The following PTPRS variants were observed in gnomAD, a reference collection of about 807,000 sequenced individuals.
PTPRS encodes the protein protein tyrosine phosphatase receptor type S.
A neutral mutation model predicts 215.3 loss-of-function variants in PTPRS; 63 were observed. That is an observed-to-expected ratio of 0.29 (90% CI 0.24 to 0.36). The LOEUF is 0.36. PTPRS is among the 10% of genes least tolerant of loss of function. The pLI is 1.00. For missense variants in PTPRS, 2,258 were observed against 2,825.8 expected, an observed-to-expected ratio of 0.80 and a Z score of 4.56; for synonymous variants, 1,404 against 1,191.4, an observed-to-expected ratio of 1.18 and a Z score of -3.68.
chr19:5,286,242 G>T lies in PTPRS; in HGVS notation c.-94-8C>A. ...CGTCAGATGGGGCAACGTCTGCAGA[G>T]ACAATGGAGGGCTGTGAGAGGCGAG... On this transcript the variant is annotated splice_polypyrimidine_tract_variant and splice_region_variant and intron_variant, in intron 1 of 37. Transcript: ENST00000262963. 7.8e-7 allele frequency: 1 copy of T among 1,286,464 alleles called. No homozygotes were observed. The highest frequency in any genetic ancestry group is 1.1e-6 in the Non-Finnish European group (1 of 909,826). 79.7% of individuals were successfully genotyped at this position (1,286,464 alleles called of 1,614,324 possible).
intron 1 of PTPRS, among the ~76,000 whole-genome samples, chr19:5,304,838 G>C (rs1184225599): frequency 1.3e-5 from 2 of 151,916 alleles, no homozygotes; most frequent in African/African-American, 4.8e-5. Flanking sequence ...AGGCAAGAGA[G>C]GTGTGGAAGA....
At chr19:5,260,072 G>A (rs1485986146) in intron 7 of PTPRS, among the ~76,000 whole-genome samples, 1 of 152,130 alleles carries the variant, frequency 6.6e-6, no homozygotes, top group African/African-American at 2.4e-5. Flanking sequence ...GAAAGGGATG[G>A]AGCCGACCGA....
At chr19:5,274,767 C>G (rs760561122) in intron 2 of PTPRS, among the ~76,000 whole-genome samples, 2 of 152,174 alleles carry the variant, frequency 1.3e-5, no homozygotes, top group Admixed American at 1.3e-4. Flanking sequence ...CCAGCCAAAC[C>G]CTGGAGGGCC....
intron 1 of PTPRS, among the ~76,000 whole-genome samples, chr19:5,316,684 C>G (rs972582091): frequency 1.3e-5 from 2 of 152,210 alleles, no homozygotes; most frequent in African/African-American, 4.8e-5. Flanking sequence ...TGAGCCACCG[C>G]GCCTGGCCTA....
rs564480105 is a variant in PTPRS at position 5,210,353 on chromosome 19, C to G, written c.5487+116G>C. ...GGCCAACTGGTCAGCTGACACTTCT[C>G]CTGATTCCCAATGCTTATGCCTAAC... On this transcript the variant is annotated intron_variant, in intron 35 of 37. Transcript: ENST00000262963. The surrounding 1 kb of genome is among the most constrained non-coding windows in gnomAD (Gnocchi z 4.5). 40 of 1,458,526 alleles carry G rather than the reference C, an allele frequency of 2.7e-5. No homozygotes were observed. The highest frequency in any genetic ancestry group is 1.1e-4 in the Admixed American group (6 of 54,366). The allele number at this position is 1,458,526 out of a possible 1,614,324, so 90.3% of individuals were successfully genotyped here. A position where few individuals can be genotyped will look rare whatever the true frequency, so the allele number is the denominator to read the frequency against.
At chr19:5,251,466 C>T (rs1198552114) in intron 9 of PTPRS, among the ~76,000 whole-genome samples, 2 of 147,842 alleles carry the variant, frequency 1.4e-5, no homozygotes, top group African/African-American at 5.0e-5. Context: ...CTCTCTTTCT[C>T]TCATTTCTTT....
intron 9 of PTPRS, among the ~76,000 whole-genome samples, chr19:5,251,295 C>A (rs1360795929): frequency 6.6e-6 from 1 of 152,078 alleles, no homozygotes; most frequent in African/African-American, 2.4e-5. Flanking sequence ...TCCCCCCCAC[C>A]GCCAGCTCCC....
At chr19:5,213,142 C>T (rs1410655292) in intron 30 of PTPRS, among the ~76,000 whole-genome samples, 1 of 152,242 alleles carries the variant, frequency 6.6e-6, no homozygotes, top group Non-Finnish European at 1.5e-5. Flanking sequence ...AATCCACCTG[C>T]TCCATGTTCT....
intron 2 of PTPRS, among the ~76,000 whole-genome samples, chr19:5,274,620 ACC>A (rs1274975021): frequency 7.0e-5 from 3 of 42,908 alleles, no homozygotes; most frequent in Non-Finnish European, 9.4e-5. Flanking sequence ...ACCTGGGCAC[ACC>A]TGCTCAGACA....
Position 5,221,227 on chromosome 19 carries a change from A to G in PTPRS, c.3228T>C (p.Asp1076=). 3 of 1,613,624 alleles carry G rather than the reference A, an allele frequency of 1.9e-6. No individual in the cohort carries two copies. The highest frequency in any genetic ancestry group is 2.5e-6 in the Non-Finnish European group (3 of 1,179,800). ...GCTTCTTGGTGGTACGGCCATCCACATCCAGTGTGAGCCCATTGTACTGGA... is the reference window on the plus strand; with the variant it reads ...GCTTCTTGGTGGTACGGCCATCCACGTCCAGTGTGAGCCCATTGTACTGGA... ...YKIQYNGLTL[D]VDGRTTKKLI... is the part of the protein sequence containing the mutation. Residue 1076 remains aspartate (D), a synonymous_variant, in exon 20 of 38, where the codon GAT becomes GAC. Transcript: ENST00000262963.
chr19:5,261,618 G>T (rs548336721), intron 6 of PTPRS, among the ~76,000 whole-genome samples: 1 of 152,120 alleles, frequency 6.6e-6, no homozygotes. Flanking sequence ...CCAAGACCTC[G>T]ATCTGCCAGG....
rs1368420685 is a variant in PTPRS at position 5,206,164 on chromosome 19, T to TA, written c.*609dup. 1.2e-4 allele frequency among the ~76,000 whole-genome samples: 16 copies of TA among 136,960 alleles called. No individual in the cohort carries two copies. Among genetic ancestry groups the TA allele is most frequent in the Admixed American group, 3.9e-4 (5 of 12,952 alleles). The allele number at this position is 136,960 out of a possible 152,430, so 89.9% of individuals were successfully genotyped here. ...AAGGACGCTTTCTACAGTGAAAAAA[T>TA]AGACTGTCTTTGAACAGAATATGAA... On this transcript the variant is annotated 3_prime_UTR_variant, in exon 38 of 38. Transcript: ENST00000262963.
rs1264571557 is a variant in PTPRS at position 5,315,348 on chromosome 19, AG to A, written c.-95+25315del. On this transcript the variant is annotated intron_variant, in intron 1 of 37. Coordinates refer to ENST00000262963, the MANE Select transcript of PTPRS (RefSeq NM_002850.4). Reference sequence around the variant, plus strand: ...TTTCATGGAGAATTTTTATTTGAAAAGGGTTTTTTTTTTTTTTTTTTTTTTT... The same window carrying A: ...TTTCATGGAGAATTTTTATTTGAAAAGGTTTTTTTTTTTTTTTTTTTTTTT... Among the ~76,000 whole-genome samples the A allele has an allele frequency of 3.9e-3, 400 of 103,326 alleles. 133 individuals carry two copies. The highest frequency in any genetic ancestry group is 0.011 in the African/African-American group (312 of 28,180). The allele number at this position is 103,326 out of a possible 152,430, so 67.8% of individuals were successfully genotyped here.
chr19:5,221,633 G>C (rs1474405920), intron 19 of PTPRS, among the ~76,000 whole-genome samples: 2 of 152,054 alleles, frequency 1.3e-5, no homozygotes, highest in African/African-American at 2.4e-5. Flanking sequence ...CCACCTCTGA[G>C]ACCTGATCCT....
At chr19:5,269,191 C>T (rs537720560) in intron 4 of PTPRS, among the ~76,000 whole-genome samples, 4 of 152,084 alleles carry the variant, frequency 2.6e-5, no homozygotes, top group Non-Finnish European at 5.9e-5. Context: ...CTTGCCCGTG[C>T]CCACGTGTCC....
In PTPRS at chr19:5,211,612, C is replaced by T. The variant is rs1234272445; in HGVS notation, c.5212G>A (p.Ala1738Thr). The T allele has an allele frequency of 1.9e-6, 3 of 1,609,982 alleles. No homozygotes were observed. Among genetic ancestry groups the T allele is most frequent in the Non-Finnish European group, 2.5e-6 (3 of 1,176,790 alleles). ...TACCTGTAGCCATCAATGAAGCTGG[C>T]GTTGATGTAGTCAGAGCCCTCCACA... ...RGVEGSDYIN[A>T]SFIDGYRQQK... Residue 1738 changes from alanine to threonine, a missense_variant, in exon 33 of 38, where the codon GCC becomes ACC. By Grantham distance (58) the Ala-to-Thr change is moderately conservative (BLOSUM62 0). Around this residue, in one of 6 missense-constraint regions of PTPRS, gnomAD observed 927 missense variants for 1,125.9 expected, o/e 0.82. Transcript: ENST00000262963.
chr19:5,208,636 C>A (rs1483553328), intron 35 of PTPRS, among the ~76,000 whole-genome samples: 2 of 152,122 alleles, frequency 1.3e-5, no homozygotes, highest in African/African-American at 2.4e-5. Context: ...GCATGAGCCA[C>A]CAGGCCCGGC....
intron 1 of PTPRS, among the ~76,000 whole-genome samples, chr19:5,289,819 A>G (rs1246223743): frequency 1.3e-5 from 2 of 152,004 alleles, no homozygotes; most frequent in Non-Finnish European, 2.9e-5. Flanking sequence ...GGAGAGGGGG[A>G]GAGATGAGGA....
intron 2 of PTPRS, among the ~76,000 whole-genome samples, chr19:5,284,420 A>T (rs1002864921): frequency 2.5e-4 from 25 of 100,566 alleles, no homozygotes; most frequent in African/African-American, 7.7e-4. Context: ...AATAAATAAA[A>T]ATTAGCCAGG....
Sources: gnomAD v4.1 joint callset for allele counts (sites outside exome capture counted in the v4.1 genomes callset) on GRCh38, gnomAD v4.1.1 for gene constraint, gnomAD v4.1.1 regional missense constraint, Gnocchi (gnomAD v3.1) non-coding constraint, MANE v1.5 for transcripts, NCBI Gene and HGNC (gene_info 2026-07-23, HGNC 2026-07-21) for gene names.